Variants in DICER1 observed in about 807,000 individuals in gnomAD.
DICER1 encodes the protein dicer 1, ribonuclease III.
In DICER1, 43 loss-of-function variants were observed where a neutral mutation model predicts 194.1. The observed-to-expected ratio is 0.22, with a 90% CI of 0.17 to 0.29. The LOEUF is 0.29. DICER1 is among the 10% of genes least tolerant of loss of function. The pLI, the probability that DICER1 is intolerant of heterozygous loss-of-function variation, is 1.00. For missense variants in DICER1, 1,608 were observed against 2,317.0 expected (o/e 0.69, Z 6.28); for synonymous variants, 832 against 820.5 (o/e 1.01, Z -0.24).
chr14:95,088,840 G>A lies in DICER1; in HGVS notation c.*1658C>T, dbSNP rs1282432022. ...AAAGCAGGAAGGACAGTATTCAAAT[G>A]TCACTTACATATAAATGCAGCATTC... On this transcript the variant is annotated 3_prime_UTR_variant, in exon 27 of 27. Coordinates refer to ENST00000343455, the MANE Select transcript of DICER1 (RefSeq NM_177438.3). 5 of 233,256 alleles carry A rather than the reference G, an allele frequency of 2.1e-5. No homozygotes were observed. In the East Asian group the frequency reaches 3.0e-4, roughly 14 times the overall value. The allele number at this position is 233,256 out of a possible 1,614,324, so 14.4% of individuals were successfully genotyped here.
intron 21 of DICER1, among the ~76,000 whole-genome samples, chr14:95,101,512 T>C (rs867731494): frequency 6.6e-6 from 1 of 152,186 alleles, no homozygotes; most frequent in Admixed American, 6.5e-5. Flanking sequence ...CAAAACCGTA[T>C]CTGAATCCTA....
In DICER1 at chr14:95,089,299, G is replaced by A. The variant is rs559333909; in HGVS notation, c.*1199C>T. On this transcript the variant is annotated 3_prime_UTR_variant, in exon 27 of 27. Coordinates refer to ENST00000343455, the MANE Select transcript of DICER1 (RefSeq NM_177438.3). ...TGTATCAAAATTACGGCAGTTTATCGCAAACGTTAAACTTTCACGGCATTA... is the reference window on the plus strand; with the variant it reads ...TGTATCAAAATTACGGCAGTTTATCACAAACGTTAAACTTTCACGGCATTA... The A allele has an allele frequency of 6.9e-4, 161 of 232,234 alleles. 1 individual carries two copies. Among genetic ancestry groups the A allele is most frequent in the Non-Finnish European group, 1.1e-3 (131 of 117,820 alleles). The allele number at this position is 232,234 out of a possible 1,614,324, so 14.4% of individuals were successfully genotyped here. A position where few individuals can be genotyped will look rare whatever the true frequency, so the allele number is the denominator to read the frequency against.
rs1006363970 is a variant in DICER1, at chr14:95,117,662, C to T, written c.1469G>A (p.Arg490His). The T allele has an allele frequency of 4.3e-6, 7 of 1,613,880 alleles. No individual in the cohort carries two copies. Among genetic ancestry groups the T allele is most frequent in the Admixed American group, 1.7e-5 (1 of 60,002 alleles). ...TGHGIGKNQP[R>H]NKQMEAEFRK... ...GAATTCTGCTTCCATCTGTTTGTTG[C>T]GAGGCTGATTCTTCCCAATGCCATG... The change falls in exon 9 of 27, where the codon CGC (arginine) becomes CAC (histidine). Residue 490 changes from arginine to histidine, a missense_variant. Physicochemically the swap from Arg to His is conservative, Grantham distance 29. Around this residue, in one of 10 missense-constraint regions of DICER1, gnomAD observed 657 missense variants for 910.1 expected, o/e 0.72. Coordinates refer to ENST00000343455, the MANE Select transcript of DICER1 (RefSeq NM_177438.3).
At chr14:95,100,062 T>G in intron 21 of DICER1, 127 bp from the exon 22 acceptor site, 1 of 1,005,242 alleles carries the variant, frequency 9.9e-7, no homozygotes, top group Non-Finnish European at 1.5e-6. Context: ...CATCAATTAA[T>G]TATAAGGGCT....
Position 95,087,568 on chromosome 14 carries a change from T to G in DICER1, c.*2930A>C, listed in dbSNP as rs1187076393. 1 of 233,078 alleles carries G rather than the reference T, an allele frequency of 4.3e-6. No homozygotes were observed. Among genetic ancestry groups the G allele is most frequent in the Non-Finnish European group, 8.5e-6 (1 of 118,030 alleles). 14.4% of individuals were successfully genotyped at this position (233,078 alleles called of 1,614,324 possible). ...TTTCCTCTCTGTTAAGCATATTTTCTTGAAATGAGGTAAAGCATGGTACCA... is the reference window on the plus strand; with the variant it reads ...TTTCCTCTCTGTTAAGCATATTTTCGTGAAATGAGGTAAAGCATGGTACCA... On this transcript the variant is annotated 3_prime_UTR_variant, in exon 27 of 27. Coordinates refer to ENST00000343455, the MANE Select transcript of DICER1 (RefSeq NM_177438.3).
rs746393744 is a variant in DICER1 at position 95,116,436 on chromosome 14, T to C, written c.1752+17A>G. ...TTTTTCCCAATCTGCCGGCACATGT[T>C]AATATGTTGATCTTACCTTTTCAAT... is the stretch of plus-strand genomic sequence containing the variant. On this transcript the variant is annotated intron_variant, in intron 10 of 26. Transcript: ENST00000343455. 2.5e-6 allele frequency: 4 copies of C among 1,608,478 alleles called. No homozygotes were observed. Among genetic ancestry groups the C allele is most frequent in the Non-Finnish European group, 3.4e-6 (4 of 1,179,774 alleles).
At chr14:95,133,836 T>C (rs1485465364) in intron 1 of DICER1, among the ~76,000 whole-genome samples, 1 of 152,250 alleles carries the variant, frequency 6.6e-6, no homozygotes, top group Non-Finnish European at 1.5e-5. Flanking sequence ...TAAATTATGC[T>C]ATGACTATAT....
chr14:95,125,444 C>T (rs1276416235), intron 7 of DICER1, among the ~76,000 whole-genome samples: 2 of 148,290 alleles, frequency 1.3e-5, no homozygotes, highest in East Asian at 4.0e-4. Flanking sequence ...CATCTTACAA[C>T]TCTAATTGAG....
In DICER1 at chr14:95,096,010, G is replaced by A. The variant is rs140875148; in HGVS notation, c.4910C>T (p.Ser1637Leu). ...ASSRSSVLKD[S>L]EYGCLKIPPR... Reference sequence around the variant, plus strand: ...TGGAATCTTCAAACAACCATATTCCGAGTCTTTCAATACAGAAGAGCGTGA... The same window carrying A: ...TGGAATCTTCAAACAACCATATTCCAAGTCTTTCAATACAGAAGAGCGTGA... The change falls in exon 23 of 27, where the codon TCG becomes TTG. Residue 1637 changes from serine to leucine, a missense_variant. Physicochemically the swap from Ser to Leu is moderately radical, Grantham distance 145 (BLOSUM62 -2). This residue lies in a region of DICER1 where 125 missense variants were observed against 134.9 expected (regional missense o/e 0.93). Coordinates refer to ENST00000343455, the MANE Select transcript of DICER1 (RefSeq NM_177438.3). 315 of 1,614,170 alleles carry A rather than the reference G, an allele frequency of 2.0e-4. No homozygotes were observed. In the African/African-American group the frequency reaches 2.9e-3, roughly 15 times the overall value.
At chr14:95,125,372 C>G (rs1334214622) in intron 7 of DICER1, among the ~76,000 whole-genome samples, 1 of 151,204 alleles carries the variant, frequency 6.6e-6, no homozygotes, top group African/African-American at 2.4e-5. Flanking sequence ...AAGGTCAGGG[C>G]TCCTCAACAT....
intron 1 of DICER1, among the ~76,000 whole-genome samples, chr14:95,137,577 G>C (rs902162442): frequency 6.6e-6 from 1 of 151,868 alleles, no homozygotes; most frequent in Non-Finnish European, 1.5e-5. Context: ...AAGGGAAAGG[G>C]GAAGGGGAAA....
At chr14:95,157,732 C>G (rs1487798060), upstream of DICER1, 2 of 152,150 alleles carry the variant, frequency 1.3e-5, no homozygotes, top group African/African-American at 4.8e-5. Context: ...TGGCGTTGGG[C>G]CGCAGTTGCC....
At chr14:95,132,394 T>C (rs1249048257) in intron 3 of DICER1, 121 bp downstream of exon 3, 22 of 1,064,712 alleles carry the variant, frequency 2.1e-5, no homozygotes, top group Non-Finnish European at 3.0e-5. Context: ...AGAGATTAAA[T>C]GAGTACATTA....
At chr14:95,133,843 A>C (rs1310377555) in intron 1 of DICER1, among the ~76,000 whole-genome samples, 1 of 152,264 alleles carries the variant, frequency 6.6e-6, no homozygotes, top group African/African-American at 2.4e-5. Flanking sequence ...TGCTATGACT[A>C]TATAATGGAA....
At position 95,131,512 on chromosome 14, in the gene DICER1, G is replaced by A; in HGVS notation, c.435C>T (p.His145=). The change falls in exon 4 of 27, where the codon CAC becomes CAT. Residue 145 remains histidine (H), a synonymous_variant. Coordinates refer to ENST00000343455, the MANE Select transcript of DICER1 (RefSeq NM_177438.3). The part of the protein sequence containing the change: ...KERWNQEFTK[H]QVLIMTCYVA... The stretch of plus-strand genomic sequence containing the variant: ...GAAATTTCTCTACAAGTCTTACCTG[G>A]TGCTTAGTAAACTCTTGGTTCCATC... 1.2e-6 allele frequency: 2 copies of A among 1,613,432 alleles called. No individual in the cohort carries two copies. The highest frequency in any genetic ancestry group is 1.3e-5 in the African/African-American group (1 of 75,018).
chr14:95,119,140 T>A (rs1168127604), intron 8 of DICER1, among the ~76,000 whole-genome samples: 1 of 152,204 alleles, frequency 6.6e-6, no homozygotes, highest in Non-Finnish European at 1.5e-5. Flanking sequence ...TAAATAAGCA[T>A]CAATTTGAAT....
intron 9 of DICER1, 122 bp from the exon 10 acceptor site, chr14:95,116,817 T>C (rs936378119): frequency 6.1e-6 from 6 of 988,812 alleles, no homozygotes; most frequent in African/African-American, 1.6e-5. Flanking sequence ...GCATTCTAAA[T>C]CCTTAAGGCC....
rs1891374540 is a variant in DICER1 at position 95,105,877 on chromosome 14, C to T, written c.2988-94G>A. The T allele has an allele frequency of 1.4e-6, 2 of 1,384,402 alleles. No homozygotes were observed. Among genetic ancestry groups the T allele is most frequent in the Non-Finnish European group, 2.1e-6 (2 of 972,656 alleles). The allele number at this position is 1,384,402 out of a possible 1,614,324, so 85.8% of individuals were successfully genotyped here. A position where few individuals can be genotyped will look rare whatever the true frequency, so the allele number is the denominator to read the frequency against. On this transcript the variant is annotated intron_variant, in intron 18 of 26. Transcript: ENST00000343455. The surrounding 1 kb of genome is among the most constrained non-coding windows in gnomAD (Gnocchi z 4.9). Reference sequence around the variant, plus strand: ...AAACCACCTGAAGAGCTCATTTCAACTACAGCCTCTTGGGCTACCCCTTGG... The same window carrying T: ...AAACCACCTGAAGAGCTCATTTCAATTACAGCCTCTTGGGCTACCCCTTGG...
intron 1 of DICER1, among the ~76,000 whole-genome samples, chr14:95,145,342 T>C (rs1334700709): frequency 6.6e-6 from 1 of 152,206 alleles, no homozygotes; most frequent in African/African-American, 2.4e-5. Flanking sequence ...TCACAAAATA[T>C]GGTACCTAAC....
Sources: allele counts gnomAD v4.1 joint callset (sites outside exome capture counted in the v4.1 genomes callset), GRCh38; gene constraint gnomAD v4.1.1; regional missense constraint gnomAD v4.1.1; non-coding constraint Gnocchi (gnomAD v3.1); transcripts MANE v1.5; gene names NCBI Gene and HGNC (gene_info 2026-07-23, HGNC 2026-07-21).